Variants in THSD4 observed in about 807,000 individuals in gnomAD.
THSD4 encodes thrombospondin type-1 domain-containing protein 4.
A neutral mutation model predicts 119.0 loss-of-function variants in THSD4; 69 were observed. That is an observed-to-expected ratio of 0.58 (90% CI 0.48 to 0.71). THSD4 has a LOEUF of 0.71. THSD4 is among the 30% of genes least tolerant of loss of function. The pLI is 0.00. For synonymous variants in THSD4, 524 were observed against 540.4 expected (o/e 0.97, Z 0.42); for missense variants, 1,393 against 1,391.1 (o/e 1.00, Z -0.02).
intron 16 of THSD4, among the ~76,000 whole-genome samples, chr15:71,766,312 G>A (rs1474918181): frequency 2.0e-5 from 3 of 152,078 alleles, no homozygotes; most frequent in Admixed American, 1.3e-4. Flanking sequence ...GACCATTGGC[G>A]TAGTTCTGTG....
At position 71,681,311 on chromosome 15, in the gene THSD4, A is replaced by T. The variant is rs563062952; in HGVS notation, c.1357+20577A>T. Among the ~76,000 whole-genome samples, 3 of 152,336 alleles carry T rather than the reference A, an allele frequency of 2.0e-5. No individual in the cohort carries two copies. In the East Asian group the frequency reaches 5.8e-4, roughly 29 times the overall value. On this transcript the variant is annotated intron_variant, in intron 8 of 17. Transcript: ENST00000261862. ...AATTGTGCTTTGAGACTTTGTCTAG[A>T]CAATAAATACCTTTCCAAAAGCAAA... is the stretch of plus-strand genomic sequence containing the variant.
At position 71,701,206 on chromosome 15, in the gene THSD4, G is replaced by T. The variant is rs191952613; in HGVS notation, c.1358-27343G>T. Among the ~76,000 whole-genome samples, 3 of 152,232 alleles carry T rather than the reference G, an allele frequency of 2.0e-5. No homozygotes were observed. In the East Asian group the frequency reaches 5.8e-4, roughly 29 times the overall value. ...AACAACCCAATGTAAAAAAGGCAAA[G>T]GATGTATGTAAGTAATTCCCAGGGG... On this transcript the variant is annotated intron_variant, in intron 8 of 17. Transcript: ENST00000261862.
chr15:71,136,664 AGGAG>A (rs376634593), intron 1 of THSD4, among the ~76,000 whole-genome samples: 5 of 141,408 alleles, frequency 3.5e-5, no homozygotes, highest in Non-Finnish European at 7.8e-5. Context: ...CAGCGTGTGT[AGGAG>A]GGAGGGAGGG....
intron 1 of THSD4, among the ~76,000 whole-genome samples, chr15:71,126,362 G>A (rs2040456557): frequency 6.6e-6 from 1 of 152,190 alleles, no homozygotes; most frequent in Admixed American, 6.5e-5. Context: ...AAGCAATGAC[G>A]ACTCCCCTTT....
At chr15:71,678,088 C>G (rs993316816) in intron 8 of THSD4, among the ~76,000 whole-genome samples, 1 of 152,220 alleles carries the variant, frequency 6.6e-6, no homozygotes, top group African/African-American at 2.4e-5. Flanking sequence ...AATCCATTAT[C>G]TGCAAGTCCA....
At chr15:71,385,741 A>G (rs745514444) in intron 6 of THSD4, among the ~76,000 whole-genome samples, 14 of 152,220 alleles carry the variant, frequency 9.2e-5, no homozygotes, top group Admixed American at 4.6e-4. Flanking sequence ...TGGTTACATA[A>G]GGGCTTGAGT....
chr15:71,314,936 T>C (rs1444105953), intron 6 of THSD4, among the ~76,000 whole-genome samples: 1 of 152,234 alleles, frequency 6.6e-6, no homozygotes, highest in Non-Finnish European at 1.5e-5. Flanking sequence ...CACTCTCTTA[T>C]CTAGTTTAAA....
chr15:71,771,081 G>A lies in THSD4; in HGVS notation c.2787G>A (p.Gln929=), dbSNP rs572159758. The A allele has an allele frequency of 1.2e-6, 2 of 1,614,160 alleles. No individual in the cohort carries two copies. The highest frequency in any genetic ancestry group is 3.3e-5 in the Admixed American group (2 of 60,014). Residue 929 remains glutamine (Q), a synonymous_variant, in exon 17 of 18, where the codon CAG becomes CAA. Coordinates refer to ENST00000261862, the MANE Select transcript of THSD4 (RefSeq NM_024817.3). ...CCATGCAGTGTTCCAAGAGCTGCCA[G>A]GGTGGCTTTCGGGTCCGGGAAGTGC... ...TEWSMCSKSC[Q]GGFRVREVRC... is the part of the protein sequence containing the mutation.
At chr15:71,610,774 GA>G (rs2050208761) in intron 7 of THSD4, among the ~76,000 whole-genome samples, 1 of 152,148 alleles carries the variant, frequency 6.6e-6, no homozygotes, top group African/African-American at 2.4e-5. Context: ...CTTACATAAT[GA>G]AAGGTAATGC....
intron 6 of THSD4, among the ~76,000 whole-genome samples, chr15:71,363,277 C>T (rs1745706354): frequency 6.6e-6 from 1 of 152,188 alleles, no homozygotes; most frequent in South Asian, 2.1e-4. Flanking sequence ...GGCTGCATTG[C>T]AATAAAAATT....
At chr15:71,508,937 A>T (rs1486782944) in intron 7 of THSD4, among the ~76,000 whole-genome samples, 2 of 144,036 alleles carry the variant, frequency 1.4e-5, no homozygotes, top group Non-Finnish European at 3.0e-5. Flanking sequence ...AAAAGGATGG[A>T]TTTTTTTTTT....
chr15:71,459,645 T>G (rs1224490120), intron 7 of THSD4, among the ~76,000 whole-genome samples: 1 of 152,058 alleles, frequency 6.6e-6, no homozygotes, highest in African/African-American at 2.4e-5. Context: ...ACACATACAT[T>G]CCCAAAGTAA....
intron 7 of THSD4, among the ~76,000 whole-genome samples, chr15:71,571,288 G>A (rs1029911011): frequency 6.6e-6 from 1 of 151,802 alleles, no homozygotes; most frequent in Non-Finnish European, 1.5e-5. Context: ...CAAGTTAGCC[G>A]GGTCTCAGTG....
chr15:71,688,707 CTGTGTG>C (rs55653630), intron 8 of THSD4, among the ~76,000 whole-genome samples: 1,360 of 133,460 alleles, frequency 0.01, 6 homozygotes, highest in South Asian at 0.013. Context: ...TTTTGTATCT[CTGTGTG>C]TGTGTGTGTG....
intron 6 of THSD4, among the ~76,000 whole-genome samples, chr15:71,256,960 T>A (rs1188947217): frequency 2.0e-5 from 3 of 152,054 alleles, no homozygotes; most frequent in African/African-American, 7.2e-5. Context: ...ACAAGCAACA[T>A]CCAAGGATGG....
intron 7 of THSD4, among the ~76,000 whole-genome samples, chr15:71,498,249 G>T (rs966902644): frequency 3.3e-5 from 5 of 152,120 alleles, no homozygotes; most frequent in Admixed American, 6.5e-5. Flanking sequence ...CTTTAAGAGG[G>T]GAACAACTCA....
At chr15:71,609,973 G>C (rs1403921586) in intron 7 of THSD4, among the ~76,000 whole-genome samples, 1 of 152,186 alleles carries the variant, frequency 6.6e-6, no homozygotes, top group Non-Finnish European at 1.5e-5. Flanking sequence ...TTGGGGCCCA[G>C]TAAGCAAGCC....
chr15:71,142,490 A>G (rs1429383385), intron 2 of THSD4, among the ~76,000 whole-genome samples: 1 of 152,162 alleles, frequency 6.6e-6, no homozygotes, highest in African/African-American at 2.4e-5. Context: ...TATTTTATTA[A>G]TATAAATTTA....
intron 16 of THSD4, among the ~76,000 whole-genome samples, chr15:71,768,440 G>A (rs2053753181): frequency 1.3e-5 from 2 of 151,864 alleles, no homozygotes; most frequent in South Asian, 2.1e-4. Flanking sequence ...CCCCACCACC[G>A]CAACCAAAAA....
Sources: gnomAD v4.1 joint callset for allele counts (sites outside exome capture counted in the v4.1 genomes callset) on GRCh38, gnomAD v4.1.1 for gene constraint, MANE v1.5 for transcripts, NCBI Gene and HGNC (gene_info 2026-07-23, HGNC 2026-07-21) for gene names.